The following CDH13 variants were observed in gnomAD, a reference collection of about 807,000 sequenced individuals.
CDH13 encodes the protein cadherin 13, also known as cadherin-13.
CDH13 carries 24 observed loss-of-function variants against 63.8 expected under a neutral mutation model. The ratio of observed to expected loss-of-function variants is 0.38; its 90% CI spans 0.27 to 0.53. The LOEUF (loss-of-function observed/expected upper bound fraction) is 0.53. Ranked by LOEUF, CDH13 falls within the 20% of genes least tolerant of loss-of-function variation. CDH13 has a pLI of 0.85. For missense variants in CDH13, 1,049 were observed against 903.1 expected, an observed-to-expected ratio of 1.16 and a Z score of -2.07; for synonymous variants, 503 against 355.3, an observed-to-expected ratio of 1.42 and a Z score of -4.67.
chr16:82,803,916 A>C (rs2037004056), intron 1 of CDH13, among the ~76,000 whole-genome samples: 1 of 152,174 alleles, frequency 6.6e-6, no homozygotes, highest in African/African-American at 2.4e-5. Context: ...TAGGTAACAA[A>C]ACTGTAATGT....
intron 7 of CDH13, among the ~76,000 whole-genome samples, chr16:83,573,838 C>T (rs1306175069): frequency 6.6e-6 from 1 of 152,124 alleles, no homozygotes; most frequent in Non-Finnish European, 1.5e-5. Flanking sequence ...TATTGAACAC[C>T]TGCTTTGTGA....
rs145989036 is a variant in CDH13 at position 83,180,701 on chromosome 16, A to G, written c.484-36644A>G. On this transcript the variant is annotated intron_variant, in intron 4 of 13. Coordinates refer to ENST00000567109, the MANE Select transcript of CDH13 (RefSeq NM_001257.5). ...GCCATGCCTCCTTTTCACAGACGTA[A>G]TTATTAGACTATGCATGCCAATTTT... Among the ~76,000 whole-genome samples, 750 of 152,322 alleles carry G rather than the reference A, an allele frequency of 4.9e-3. 5 individuals carry two copies. The highest frequency in any genetic ancestry group is 0.016 in the African/African-American group (685 of 41,586).
intron 6 of CDH13, among the ~76,000 whole-genome samples, chr16:83,452,640 T>C (rs923997224): frequency 2.6e-5 from 4 of 152,176 alleles, no homozygotes; most frequent in Non-Finnish European, 5.9e-5. Flanking sequence ...TTTGTTGGGT[T>C]CCTGCAAAGA....
intron 6 of CDH13, among the ~76,000 whole-genome samples, chr16:83,363,134 C>G (rs2091195544): frequency 6.6e-6 from 1 of 152,208 alleles, no homozygotes; most frequent in Admixed American, 6.5e-5. Flanking sequence ...TTTAAAGTAT[C>G]AATCAGAGAT....
At chr16:83,205,561 G>A (rs972429941) in intron 4 of CDH13, among the ~76,000 whole-genome samples, 9 of 151,742 alleles carry the variant, frequency 5.9e-5, no homozygotes, top group African/African-American at 1.9e-4. Context: ...AGAAGTTGAG[G>A]GGAGATCATA....
chr16:83,020,906 C>A (rs1458917297), intron 2 of CDH13, among the ~76,000 whole-genome samples: 1 of 152,220 alleles, frequency 6.6e-6, no homozygotes, highest in Admixed American at 6.5e-5. Flanking sequence ...TAGACAACCC[C>A]AACTGCAAGG....
chr16:82,695,930 A>G (rs1028570053), intron 1 of CDH13, among the ~76,000 whole-genome samples: 7 of 152,204 alleles, frequency 4.6e-5, no homozygotes, highest in African/African-American at 1.7e-4. Flanking sequence ...AATGTCTCAA[A>G]TCTACTAGCC....
Position 83,125,429 on chromosome 16 carries a change from G to A in CDH13, c.411G>A (p.Lys137=), listed in dbSNP as rs1319806397. 1 of 1,611,734 alleles carries A rather than the reference G, an allele frequency of 6.2e-7. No individual in the cohort carries two copies. Among genetic ancestry groups the A allele is most frequent in the Admixed American group, 1.7e-5 (1 of 60,018 alleles). Residue 137 remains lysine, a synonymous_variant, in exon 4 of 14, where the codon AAG becomes AAA. Transcript: ENST00000567109. ...FARTSPVPRQ[K]RSIVVSPILI... ...GAACTTCTCCTGTCCCAAGACAAAA[G>A]AGGTCCATTGTGGTATCTCCCATTT...
chr16:82,801,420 C>G (rs2036847739), intron 1 of CDH13, among the ~76,000 whole-genome samples: 1 of 152,196 alleles, frequency 6.6e-6, no homozygotes, highest in South Asian at 2.1e-4. Flanking sequence ...CACACTGTCT[C>G]TAGAACCAGC....
At chr16:83,656,228 AAG>A (rs1016212111) in intron 8 of CDH13, among the ~76,000 whole-genome samples, 1 of 152,216 alleles carries the variant, frequency 6.6e-6, no homozygotes, top group Non-Finnish European at 1.5e-5. Context: ...GAAATGAGAA[AAG>A]AGAGGAATCA....
intron 6 of CDH13, among the ~76,000 whole-genome samples, chr16:83,361,985 T>C (rs955245953): frequency 2.0e-5 from 3 of 152,304 alleles, no homozygotes; most frequent in Admixed American, 6.5e-5. Flanking sequence ...TTGATAGGAA[T>C]TGCATTGAAT....
chr16:83,200,893 C>T (rs2039006368), intron 4 of CDH13, among the ~76,000 whole-genome samples: 1 of 149,148 alleles, frequency 6.7e-6, no homozygotes, highest in African/African-American at 2.5e-5. Context: ...TGTTAATTTT[C>T]AGGGAGCAAG....
intron 1 of CDH13, among the ~76,000 whole-genome samples, chr16:82,801,560 C>G (rs894599544): frequency 2.0e-5 from 3 of 152,182 alleles, no homozygotes; most frequent in African/African-American, 7.2e-5. Context: ...GGGTCAAGAA[C>G]AGCAAGGTTA....
At chr16:82,680,302 C>T (rs946483556) in intron 1 of CDH13, among the ~76,000 whole-genome samples, 8 of 152,188 alleles carry the variant, frequency 5.3e-5, no homozygotes, top group African/African-American at 1.9e-4. Context: ...TTCTGCATGT[C>T]GTGTGTTAGA....
chr16:82,852,302 AAAC>A (rs1211893507), intron 1 of CDH13, among the ~76,000 whole-genome samples: 1 of 152,204 alleles, frequency 6.6e-6, no homozygotes, highest in African/African-American at 2.4e-5. Context: ...CTGCTGCAAC[AAAC>A]AACACCAAAT....
chr16:82,826,514 T>C (rs2038261973), intron 1 of CDH13: 1 of 152,224 alleles, frequency 6.6e-6, no homozygotes, highest in Non-Finnish European at 1.5e-5. Flanking sequence ...CTAATCATTA[T>C]TAAAATAGGT....
At position 83,363,632 on chromosome 16, in the gene CDH13, A is replaced by G. The variant is rs140248292; in HGVS notation, c.781+18626A>G. The stretch of plus-strand genomic sequence containing the variant: ...GCTTCTTTACTGGCAGAATTTTGAG[A>G]GACTTCAAGATGTGAATAGGCATGT... On this transcript the variant is annotated intron_variant, in intron 6 of 13. Coordinates refer to ENST00000567109, the MANE Select transcript of CDH13 (RefSeq NM_001257.5). Among the ~76,000 whole-genome samples the G allele has an allele frequency of 1.1e-4, 16 of 152,332 alleles. No individual in the cohort carries two copies. The East Asian group carries it at 3.1e-3, about 29-fold the overall frequency.
chr16:82,950,689 C>T (rs1020057591), intron 2 of CDH13, among the ~76,000 whole-genome samples: 1 of 152,000 alleles, frequency 6.6e-6, no homozygotes, highest in African/African-American at 2.4e-5. Context: ...TGAAAATGGA[C>T]TAATACAGGA....
chr16:83,379,893 G>A (rs1365030508), intron 6 of CDH13, among the ~76,000 whole-genome samples: 1 of 137,266 alleles, frequency 7.3e-6, no homozygotes, highest in Admixed American at 7.4e-5. Context: ...TGTGTATATA[G>A]ATATATGTAT....
Sources: gnomAD v4.1 joint callset for allele counts (sites outside exome capture counted in the v4.1 genomes callset) on GRCh38, gnomAD v4.1.1 for gene constraint, MANE v1.5 for transcripts, NCBI Gene and HGNC (gene_info 2026-07-23, HGNC 2026-07-21) for gene names.